The following GPC5 variants were observed in gnomAD, a reference collection of about 807,000 sequenced individuals.
The protein encoded by GPC5 is glypican 5.
In GPC5, 47 loss-of-function variants were observed where a neutral mutation model predicts 53.9. The ratio of observed to expected loss-of-function variants is 0.87; its 90% CI spans 0.69 to 1.11. The LOEUF is 1.11. Ranked by LOEUF, GPC5 falls within the 50% of genes most tolerant of loss-of-function variation. The probability of loss-of-function intolerance (pLI) is 0.00; values close to 1 mark genes in which losing one functional copy is unlikely to be tolerated. For missense variants in GPC5, 748 were observed against 713.1 expected, an observed-to-expected ratio of 1.05 and a Z score of -0.56; for synonymous variants, 286 against 263.3, an observed-to-expected ratio of 1.09 and a Z score of -0.84.
At chr13:91,421,120 C>T (rs1159780656) in intron 1 of GPC5, among the ~76,000 whole-genome samples, 1 of 152,212 alleles carries the variant, frequency 6.6e-6, no homozygotes, top group African/African-American at 2.4e-5. Flanking sequence ...TACAAATTAA[C>T]ATCATCTTCC....
chr13:92,118,948 C>T (rs1466280212), intron 6 of GPC5, among the ~76,000 whole-genome samples: 1 of 152,176 alleles, frequency 6.6e-6, no homozygotes. Flanking sequence ...ACTTTAACCA[C>T]TAAATAATTT....
chr13:91,477,006 GTTAT>G (rs1403952287), intron 2 of GPC5, among the ~76,000 whole-genome samples: 1 of 152,100 alleles, frequency 6.6e-6, no homozygotes, highest in Non-Finnish European at 1.5e-5. Flanking sequence ...ATTACGGAGT[GTTAT>G]TTAAATTTTG....
intron 7 of GPC5, among the ~76,000 whole-genome samples, chr13:92,844,190 A>G (rs756192252): frequency 1.3e-5 from 2 of 151,956 alleles, no homozygotes; most frequent in Non-Finnish European, 1.5e-5. Flanking sequence ...CAGAGACTCC[A>G]TTTTCATACT....
chr13:92,840,090 T>TATATATATAC (rs1555317212), intron 7 of GPC5, among the ~76,000 whole-genome samples: 15 of 47,726 alleles, frequency 3.1e-4, no homozygotes, highest in African/African-American at 1.1e-3. Context: ...TATATATATA[T>TATATATATAC]ATATATATAT....
intron 7 of GPC5, among the ~76,000 whole-genome samples, chr13:92,259,950 T>C (rs989184372): frequency 6.6e-6 from 1 of 152,128 alleles, no homozygotes; most frequent in Non-Finnish European, 1.5e-5. Flanking sequence ...CCAAATCTCG[T>C]AGGGACAGGT....
At chr13:92,239,658 T>C (rs2042595603) in intron 7 of GPC5, among the ~76,000 whole-genome samples, 1 of 152,040 alleles carries the variant, frequency 6.6e-6, no homozygotes, top group South Asian at 2.1e-4. Context: ...ATATATCAGA[T>C]TCATTATATA....
intron 7 of GPC5, among the ~76,000 whole-genome samples, chr13:92,484,063 A>G (rs1439480410): frequency 6.6e-6 from 1 of 152,188 alleles, no homozygotes; most frequent in African/African-American, 2.4e-5. Context: ...GCTTGAGCCC[A>G]AGAGTTTACG....
chr13:92,476,370 C>T lies in GPC5; in HGVS notation c.1561+331381C>T, dbSNP rs1321278879. On this transcript the variant is annotated intron_variant, in intron 7 of 7. Transcript: ENST00000377067. ...TACCATCTCACACCAGTTAGAATGG[C>T]AATCATTAAAAAGTCAGGAAACAAC... is the stretch of plus-strand genomic sequence containing the variant. 2.1e-4 allele frequency among the ~76,000 whole-genome samples: 32 copies of T among 151,472 alleles called. 1 individual carries two copies. In the South Asian group the frequency reaches 6.7e-3, roughly 32 times the overall value.
chr13:91,588,670 C>A (rs922564302), intron 2 of GPC5, among the ~76,000 whole-genome samples: 3 of 152,246 alleles, frequency 2.0e-5, no homozygotes, highest in South Asian at 2.1e-4. Context: ...ACAAGAGGGA[C>A]CTCTTTTCCT....
chr13:91,647,630 CTT>C (rs144763029), intron 2 of GPC5, among the ~76,000 whole-genome samples: 108 of 152,316 alleles, frequency 7.1e-4, no homozygotes, highest in Non-Finnish European at 9.3e-4. Flanking sequence ...TGACTACTGA[CTT>C]TGGCTCCAGG....
At chr13:91,752,303 T>C (rs2037196547) in intron 4 of GPC5, among the ~76,000 whole-genome samples, 1 of 152,326 alleles carries the variant, frequency 6.6e-6, no homozygotes, top group Admixed American at 6.5e-5. Flanking sequence ...CAGGCTGGTC[T>C]CCAACTTCTA....
chr13:91,846,361 C>T (rs2038848924), intron 5 of GPC5, among the ~76,000 whole-genome samples: 2 of 151,744 alleles, frequency 1.3e-5, no homozygotes, highest in Admixed American at 1.3e-4. Flanking sequence ...CTAGTTTAAC[C>T]TGATTCTGCC....
At chr13:91,978,829 T>G (rs2040331785) in intron 6 of GPC5, among the ~76,000 whole-genome samples, 1 of 152,212 alleles carries the variant, frequency 6.6e-6, no homozygotes, top group Non-Finnish European at 1.5e-5. Context: ...CTGAGTAATA[T>G]GATAGTCCAG....
intron 4 of GPC5, among the ~76,000 whole-genome samples, chr13:91,744,318 A>G (rs551890425): frequency 4.6e-5 from 7 of 152,296 alleles, no homozygotes; most frequent in South Asian, 2.1e-4. Flanking sequence ...CCTAGGTGAC[A>G]TGTAACATTC....
intron 1 of GPC5, among the ~76,000 whole-genome samples, chr13:91,402,626 T>C (rs1412268782): frequency 1.3e-5 from 2 of 152,240 alleles, no homozygotes; most frequent in African/African-American, 4.8e-5. Flanking sequence ...AGTGTTTGCA[T>C]AGATAAAATG....
intron 7 of GPC5, among the ~76,000 whole-genome samples, chr13:92,381,950 C>CTATG (rs77694311): frequency 0.14 from 13,890 of 102,130 alleles, 959 homozygotes; most frequent in East Asian, 0.28. Flanking sequence ...GAAATAATAT[C>CTATG]TATGTATGTA....
chr13:91,805,172 T>C (rs1303677067), intron 5 of GPC5, among the ~76,000 whole-genome samples: 1 of 152,162 alleles, frequency 6.6e-6, no homozygotes, highest in African/African-American at 2.4e-5. Context: ...AACACATTTT[T>C]AAAGAGTATA....
At chr13:92,735,796 T>A (rs1015739461) in intron 7 of GPC5, among the ~76,000 whole-genome samples, 1 of 152,026 alleles carries the variant, frequency 6.6e-6, no homozygotes, top group Non-Finnish European at 1.5e-5. Context: ...CATGGACTTA[T>A]AAAGATTAAA....
chr13:92,409,545 C>G (rs974035616), intron 7 of GPC5, among the ~76,000 whole-genome samples: 1 of 151,914 alleles, frequency 6.6e-6, no homozygotes, highest in Admixed American at 6.6e-5. Flanking sequence ...AGATTAATAT[C>G]TGTTGTGAAT....
Sources: allele counts gnomAD v4.1 joint callset (sites outside exome capture counted in the v4.1 genomes callset), GRCh38; gene constraint gnomAD v4.1.1; transcripts MANE v1.5; gene names NCBI Gene and HGNC (gene_info 2026-07-23, HGNC 2026-07-21).